Variants in CRBN observed in about 807,000 individuals in gnomAD.
CRBN encodes the protein protein cereblon.
In CRBN, 53 loss-of-function variants were observed where a neutral mutation model predicts 62.2. The ratio of observed to expected loss-of-function variants is 0.85; its 90% CI spans 0.68 to 1.07. CRBN has a LOEUF of 1.07. CRBN is among the 50% of genes least tolerant of loss of function. CRBN has a pLI of 0.00. For synonymous variants in CRBN, 208 were observed against 176.1 expected (o/e 1.18, Z -1.43); for missense variants, 616 against 531.1 (o/e 1.16, Z -1.57).
At chr3:3,166,574 A>C (rs1334351224) in intron 5 of CRBN, among the ~76,000 whole-genome samples, 1 of 152,178 alleles carries the variant, frequency 6.6e-6, no homozygotes, top group Non-Finnish European at 1.5e-5. Flanking sequence ...AAGCAGTCTA[A>C]TTATATCTTC....
At chr3:3,166,554 G>T (rs922009102) in intron 5 of CRBN, among the ~76,000 whole-genome samples, 1 of 152,100 alleles carries the variant, frequency 6.6e-6, no homozygotes, top group African/African-American at 2.4e-5. Flanking sequence ...AAGGTTGTTT[G>T]GGAGTCTTAA....
chr3:3,169,987 T>G (rs1466663447), intron 4 of CRBN, among the ~76,000 whole-genome samples: 2 of 151,934 alleles, frequency 1.3e-5, no homozygotes, highest in Non-Finnish European at 2.9e-5. Context: ...GTTGTATACT[T>G]TTTTTCTTTT....
chr3:3,156,152 T>C, intron 6 of CRBN, 67 bp downstream of exon 6: 1 of 1,360,634 alleles, frequency 7.3e-7, no homozygotes, highest in South Asian at 1.2e-5. Context: ...AAACCTTTGT[T>C]TTTTAATGAC....
At chr3:3,153,630 A>C in intron 8 of CRBN, 142 bp from the exon 9 acceptor site, 1 of 674,738 alleles carries the variant, frequency 1.5e-6, no homozygotes, top group Non-Finnish European at 2.7e-6. Context: ...ATTCAAAAAC[A>C]CTTTTAAAGA....
In CRBN at chr3:3,179,660, C is replaced by G. The variant is rs768452189; in HGVS notation, c.28G>C (p.Ala10Pro). ...AGGTGGTTGCCCATGTTGTGCGCAG[C>G]GTCCTGCTGATCTCCTTCGCCGGCC... is the stretch of plus-strand genomic sequence containing the variant. MAGEGDQQD[A>P]AHNMGNHLPL... Residue 10 changes from alanine to proline, a missense_variant, in exon 1 of 11, where the codon GCT becomes CCT. Physicochemically the swap from Ala to Pro is conservative, Grantham distance 27. Coordinates refer to ENST00000231948, the MANE Select transcript of CRBN (RefSeq NM_016302.4). The G allele has an allele frequency of 1.5e-5, 25 of 1,613,018 alleles. No individual in the cohort carries two copies. Among genetic ancestry groups the G allele is most frequent in the Non-Finnish European group, 2.1e-5 (25 of 1,179,610 alleles).
intron 2 of CRBN, among the ~76,000 whole-genome samples, chr3:3,174,777 CACAA>C (rs1483355833): frequency 2.0e-5 from 3 of 152,100 alleles, no homozygotes; most frequent in African/African-American, 7.2e-5. Flanking sequence ...ATGAATATAT[CACAA>C]ACACAGAAAT....
chr3:3,156,210 G>A lies in CRBN; in HGVS notation c.750+9C>T. Reference sequence around the variant, plus strand: ...CATATATAAAGTAAATTTAAGGTAAGTTACTTACAGCATCATATAAGGAAT... The same window carrying A: ...CATATATAAAGTAAATTTAAGGTAAATTACTTACAGCATCATATAAGGAAT... On this transcript the variant is annotated intron_variant, in intron 6 of 10. Transcript: ENST00000231948. 6.2e-7 allele frequency: 1 copy of A among 1,605,528 alleles called. No individual in the cohort carries two copies. Among genetic ancestry groups the A allele is most frequent in the East Asian group, 2.2e-5 (1 of 44,790 alleles).
At chr3:3,154,141 C>CCTTTT (rs1706769016) in intron 7 of CRBN, 66 bp from the exon 8 acceptor site, 1 of 902,532 alleles carries the variant, frequency 1.1e-6, no homozygotes, top group African/African-American at 1.6e-5. Flanking sequence ...ACTTACAAAT[C>CCTTTT]GGATAATATC....
At chr3:3,179,714 G>A (rs1209919763), upstream of CRBN, 7 of 1,608,552 alleles carry the variant, frequency 4.4e-6, no homozygotes, top group Non-Finnish European at 5.9e-6. Flanking sequence ...AGGAGGCTGG[G>A]ACAGGGCGGT....
intron 10 of CRBN, among the ~76,000 whole-genome samples, 154 bp downstream of exon 10, chr3:3,152,302 G>GC (rs1024551416): frequency 4.0e-5 from 6 of 151,550 alleles, no homozygotes; most frequent in African/African-American, 1.5e-4. Context: ...ACAGACCCCT[G>GC]CCCCCATACC....
rs1706462352 is a variant in CRBN at position 3,150,667 on chromosome 3, G to A, written c.*198C>T. On this transcript the variant is annotated 3_prime_UTR_variant, in exon 11 of 11. Transcript: ENST00000231948. ...GATGTTTCTGGTATTCTAGACTGCC[G>A]TTCATGCTTGTTTCCTAAAGTATAC... 4 of 543,796 alleles carry A rather than the reference G, an allele frequency of 7.4e-6. No individual in the cohort carries two copies. The highest frequency in any genetic ancestry group is 2.1e-5 in the South Asian group (1 of 48,676). The allele number at this position is 543,796 out of a possible 1,614,324, so 33.7% of individuals were successfully genotyped here.
intron 6 of CRBN, chr3:3,155,225 T>C: frequency 5.6e-6 from 1 of 178,000 alleles, no homozygotes; most frequent in African/African-American, 2.4e-5. Flanking sequence ...TGGCACCTAT[T>C]TACTACATAA....
At position 3,174,061 on chromosome 3, in the gene CRBN, G is replaced by A. The variant is rs1707731770; in HGVS notation, c.375C>T (p.Tyr125=). Residue 125 remains tyrosine (Y), a splice_region_variant and synonymous_variant, in exon 3 of 11, where the codon TAC becomes TAT. Transcript: ENST00000231948. ...QKDRTFAVLA[Y]SNVQEREAQF... ...GCAAATGGACTCTAATATTTTACCT[G>A]TATGCAAGAACAGCAAAGGTTCTAT... is the stretch of plus-strand genomic sequence containing the variant. 1 of 1,613,096 alleles carries A rather than the reference G, an allele frequency of 6.2e-7. No homozygotes were observed. Among genetic ancestry groups the A allele is most frequent in the Non-Finnish European group, 8.5e-7 (1 of 1,179,082 alleles).
chr3:3,168,319 T>A (rs1032578823), intron 4 of CRBN, among the ~76,000 whole-genome samples: 4 of 152,222 alleles, frequency 2.6e-5, no homozygotes, highest in African/African-American at 9.6e-5. Flanking sequence ...AACCTTTCTG[T>A]GTGCATTCCT....
chr3:3,173,979 G>A (rs1422477691), intron 3 of CRBN, 80 bp downstream of exon 3: 1 of 1,205,456 alleles, frequency 8.3e-7, no homozygotes, highest in Non-Finnish European at 1.2e-6. Context: ...CGAAATAACA[G>A]CCTGCTTTGG....
chr3:3,165,328 A>G (rs954316022), intron 5 of CRBN, among the ~76,000 whole-genome samples: 4 of 152,220 alleles, frequency 2.6e-5, no homozygotes, highest in African/African-American at 7.2e-5. Flanking sequence ...TCCAATTTTG[A>G]AAGTTCTGTT....
Position 3,150,764 on chromosome 3 carries a change from A to T in CRBN, c.*101T>A. The T allele has an allele frequency of 9.0e-7, 1 of 1,115,770 alleles. No homozygotes were observed. Among genetic ancestry groups the T allele is most frequent in the Non-Finnish European group, 1.3e-6 (1 of 765,586 alleles). 69.1% of individuals were successfully genotyped at this position (1,115,770 alleles called of 1,614,324 possible). ...GTAATGTTATGTTTACTTAGGTATTAATGTTATGTTTACTTAGGTATGTAT... is the reference window on the plus strand; with the variant it reads ...GTAATGTTATGTTTACTTAGGTATTTATGTTATGTTTACTTAGGTATGTAT... On this transcript the variant is annotated 3_prime_UTR_variant, in exon 11 of 11. Transcript: ENST00000231948.
intron 2 of CRBN, among the ~76,000 whole-genome samples, 160 bp from the exon 3 acceptor site, chr3:3,174,421 A>C (rs1335910974): frequency 6.6e-6 from 1 of 152,152 alleles, no homozygotes; most frequent in Non-Finnish European, 1.5e-5. Flanking sequence ...TAGGCGGATC[A>C]CCTGAGGTCA....
Position 3,175,124 on chromosome 3 carries a change from GT to G in CRBN, c.174+38del. The G allele has an allele frequency of 2.4e-6, 3 of 1,253,592 alleles. No homozygotes were observed. In the South Asian group the frequency reaches 3.7e-5, roughly 15 times the overall value. The allele number at this position is 1,253,592 out of a possible 1,614,324, so 77.7% of individuals were successfully genotyped here. A position where few individuals can be genotyped will look rare whatever the true frequency, so the allele number is the denominator to read the frequency against. On this transcript the variant is annotated intron_variant, in intron 2 of 10. Transcript: ENST00000231948. ...TATGAACTTTTATCTACATTTAAAT[GT>G]ATATCTATTATATTAGATCTGTCAC...
Sources: gnomAD v4.1 joint callset for allele counts (sites outside exome capture counted in the v4.1 genomes callset) on GRCh38, gnomAD v4.1.1 for gene constraint, MANE v1.5 for transcripts, NCBI Gene and HGNC (gene_info 2026-07-23, HGNC 2026-07-21) for gene names.